Variants in SORCS1 observed in about 807,000 individuals in gnomAD.
The protein encoded by SORCS1 is sortilin related VPS10 domain containing receptor 1.
In SORCS1, 60 loss-of-function variants were observed where a neutral mutation model predicts 146.1. The observed-to-expected ratio is 0.41, with a 90% CI of 0.33 to 0.51. The LOEUF (loss-of-function observed/expected upper bound fraction) is 0.51. Among genes scored for constraint, SORCS1 ranks in the 20% least tolerant of loss-of-function variants. The pLI is 0.21. For missense variants in SORCS1, 1,352 were observed against 1,487.6 expected, an observed-to-expected ratio of 0.91 and a Z score of 1.50; for synonymous variants, 637 against 584.0, an observed-to-expected ratio of 1.09 and a Z score of -1.31.
intron 1 of SORCS1, among the ~76,000 whole-genome samples, chr10:106,966,554 C>A (rs1042118535): frequency 6.6e-6 from 1 of 152,140 alleles, no homozygotes; most frequent in East Asian, 1.9e-4. Context: ...CCACTGCATA[C>A]CCCTTGAGGA....
At chr10:106,620,300 G>C (rs1041461453) in intron 20 of SORCS1, 128 bp downstream of exon 20, 25 of 1,206,620 alleles carry the variant, frequency 2.1e-5, no homozygotes, top group Non-Finnish European at 2.6e-5. Flanking sequence ...CACCAAGGGA[G>C]CTTGTTGTCC....
At chr10:106,725,920 G>T (rs953573740) in intron 6 of SORCS1, among the ~76,000 whole-genome samples, 6 of 123,636 alleles carry the variant, frequency 4.9e-5, no homozygotes, top group Non-Finnish European at 9.9e-5. Flanking sequence ...GACAGAGTGA[G>T]ACTCTGTCTC....
rs552698573 is a variant in SORCS1, at chr10:106,889,398, T to C, written c.627-59725A>G. The stretch of plus-strand genomic sequence containing the variant: ...GTCACCTGGGAGCTCATTAGAAGTA[T>C]AGACTCTCACACCATACACCATCCA... On this transcript the variant is annotated intron_variant, in intron 2 of 25. Transcript: ENST00000263054. Among the ~76,000 whole-genome samples the C allele has an allele frequency of 2.0e-5, 3 of 152,264 alleles. No homozygotes were observed. The South Asian group carries it at 6.2e-4, about 32-fold the overall frequency.
At chr10:106,944,213 C>A (rs1283357072) in intron 2 of SORCS1, among the ~76,000 whole-genome samples, 1 of 152,134 alleles carries the variant, frequency 6.6e-6, no homozygotes, top group East Asian at 1.9e-4. Flanking sequence ...TCTCATCAAC[C>A]CTTTTACTTG....
chr10:106,618,021 T>C, intron 21 of SORCS1, 128 bp downstream of exon 21: 3 of 1,255,052 alleles, frequency 2.4e-6, no homozygotes, highest in Admixed American at 2.2e-5. Context: ...GCCTCAGCTC[T>C]TTCTCAACTA....
chr10:106,670,098 T>G (rs1851473023), intron 16 of SORCS1, among the ~76,000 whole-genome samples: 1 of 152,372 alleles, frequency 6.6e-6, no homozygotes, highest in South Asian at 2.1e-4. Context: ...ATTTAGCGAT[T>G]GTGTTTTCTA....
chr10:106,890,285 C>T (rs1951178919), intron 2 of SORCS1, among the ~76,000 whole-genome samples: 1 of 152,148 alleles, frequency 6.6e-6, no homozygotes, highest in Non-Finnish European at 1.5e-5. Context: ...TCACCATTTA[C>T]AAAGATTGAA....
At chr10:107,103,494 AAGG>A (rs1392207685) in intron 1 of SORCS1, among the ~76,000 whole-genome samples, 10 of 152,218 alleles carry the variant, frequency 6.6e-5, no homozygotes, top group Non-Finnish European at 1.2e-4. Context: ...TCCTCAGCAT[AAGG>A]TCTCTTTGTC....
intron 21 of SORCS1, among the ~76,000 whole-genome samples, chr10:106,612,771 C>T (rs1469096477): frequency 6.6e-6 from 1 of 152,130 alleles, no homozygotes; most frequent in Admixed American, 6.5e-5. Context: ...TGTTCCATGC[C>T]TATCTTTGCA....
chr10:106,924,497 C>G (rs1330382151), intron 2 of SORCS1, among the ~76,000 whole-genome samples: 7 of 151,798 alleles, frequency 4.6e-5, no homozygotes, highest in Non-Finnish European at 1.0e-4. Context: ...ATCTATCTAT[C>G]TATCTATCTA....
chr10:107,029,103 A>C (rs1195867907), intron 1 of SORCS1, among the ~76,000 whole-genome samples: 1 of 152,234 alleles, frequency 6.6e-6, no homozygotes, highest in Non-Finnish European at 1.5e-5. Flanking sequence ...CTATATAGTA[A>C]GCCCATAGCA....
At chr10:106,799,016 T>G (rs1252568811) in intron 3 of SORCS1, among the ~76,000 whole-genome samples, 1 of 152,204 alleles carries the variant, frequency 6.6e-6, no homozygotes, top group African/African-American at 2.4e-5. Flanking sequence ...AGCATGGTAC[T>G]GGTACCAAAA....
chr10:107,160,764 C>T (rs1055816035), intron 1 of SORCS1, among the ~76,000 whole-genome samples: 1 of 152,296 alleles, frequency 6.6e-6, no homozygotes, highest in South Asian at 2.1e-4. Flanking sequence ...TTACTACCTA[C>T]AAAGGATTTT....
At chr10:106,896,157 A>G (rs112778503) in intron 2 of SORCS1, among the ~76,000 whole-genome samples, 11,645 of 152,140 alleles carry the variant, frequency 0.077, 979 homozygotes, top group African/African-American at 0.2. Flanking sequence ...GGCCGGGTGC[A>G]GTGGCTCATG....
intron 1 of SORCS1, among the ~76,000 whole-genome samples, chr10:107,032,182 G>C (rs1958685270): frequency 6.6e-6 from 1 of 152,066 alleles, no homozygotes; most frequent in Admixed American, 6.5e-5. Context: ...ATAAATAAAA[G>C]ACACGTAGAC....
intron 1 of SORCS1, among the ~76,000 whole-genome samples, chr10:107,072,044 GA>G (rs1386627088): frequency 1.3e-5 from 2 of 152,186 alleles, no homozygotes; most frequent in Non-Finnish European, 2.9e-5. Context: ...TGGAGTGTTG[GA>G]AAAACTGCAA....
intron 21 of SORCS1, among the ~76,000 whole-genome samples, chr10:106,612,420 G>A (rs1315528314): frequency 1.6e-5 from 2 of 124,732 alleles, no homozygotes; most frequent in African/African-American, 6.0e-5. Context: ...CAGCGTGACC[G>A]ATACCATCCA....
At chr10:106,658,626 A>G (rs11193003) in intron 17 of SORCS1, among the ~76,000 whole-genome samples, 33,828 of 152,118 alleles carry the variant, frequency 0.22, 4,538 homozygotes, top group African/African-American at 0.37. Context: ...AAGGGGGCTA[A>G]TTCTTGATAG....
intron 17 of SORCS1, among the ~76,000 whole-genome samples, chr10:106,660,554 G>A (rs2135365389): frequency 6.6e-6 from 1 of 152,180 alleles, no homozygotes; most frequent in Middle Eastern, 3.4e-3. Context: ...TAACTATTTT[G>A]CTAGAATTTA....
Sources: allele counts gnomAD v4.1 joint callset (sites outside exome capture counted in the v4.1 genomes callset), GRCh38; gene constraint gnomAD v4.1.1; transcripts MANE v1.5; gene names NCBI Gene and HGNC (gene_info 2026-07-23, HGNC 2026-07-21).